The following RAB31 variants were observed in gnomAD, a reference collection of about 807,000 sequenced individuals.
RAB31 encodes the protein ras-related protein Rab-31.
A neutral mutation model predicts 25.6 loss-of-function variants in RAB31; 21 were observed. The observed-to-expected ratio is 0.82, with a 90% confidence interval of 0.58 to 1.18. The LOEUF is 1.18. Among genes scored for constraint, RAB31 ranks in the 50% most tolerant of loss-of-function variants. The pLI is 0.00. For synonymous variants in RAB31, 87 were observed against 84.0 expected, an observed-to-expected ratio of 1.04 and a Z score of -0.20; for missense variants, 196 against 250.1, an observed-to-expected ratio of 0.78 and a Z score of 1.46.
chr18:9,798,591 A>G (rs2068497971), intron 3 of RAB31, among the ~76,000 whole-genome samples: 1 of 151,222 alleles, frequency 6.6e-6, no homozygotes, highest in African/African-American at 2.4e-5. Context: ...CAATATAAAG[A>G]CAGATTTCTT....
At chr18:9,833,660 G>A (rs945568218) in intron 5 of RAB31, among the ~76,000 whole-genome samples, 1 of 152,146 alleles carries the variant, frequency 6.6e-6, no homozygotes, top group African/African-American at 2.4e-5. Context: ...CCACATCTCT[G>A]GACCCTCCAT....
At chr18:9,776,222 C>T (rs888417287) in intron 2 of RAB31, among the ~76,000 whole-genome samples, 7 of 152,200 alleles carry the variant, frequency 4.6e-5, no homozygotes, top group Non-Finnish European at 7.3e-5. Flanking sequence ...CAGTGGGCTC[C>T]TTGGCCGCGT....
intron 5 of RAB31, among the ~76,000 whole-genome samples, chr18:9,818,332 C>T (rs988043322): frequency 6.6e-6 from 1 of 152,162 alleles, no homozygotes; most frequent in Admixed American, 6.5e-5. Context: ...ACATTTCTAT[C>T]ACTCTGTGAA....
chr18:9,736,101 A>G (rs975330606), intron 1 of RAB31, among the ~76,000 whole-genome samples: 1 of 151,996 alleles, frequency 6.6e-6, no homozygotes, highest in Non-Finnish European at 1.5e-5. Flanking sequence ...CCTCCTGAGT[A>G]GCCGGGATCA....
chr18:9,750,320 T>C (rs953774597), intron 1 of RAB31, among the ~76,000 whole-genome samples: 1 of 152,238 alleles, frequency 6.6e-6, no homozygotes, highest in African/African-American at 2.4e-5. Context: ...AACAGCAGGA[T>C]ACTGCTGTCT....
At chr18:9,799,714 T>A (rs1425067816) in intron 3 of RAB31, among the ~76,000 whole-genome samples, 2 of 152,232 alleles carry the variant, frequency 1.3e-5, no homozygotes, top group Non-Finnish European at 2.9e-5. Flanking sequence ...TCCAACTGTG[T>A]GTCATGGGCA....
chr18:9,725,149 G>A (rs538325969), intron 1 of RAB31, among the ~76,000 whole-genome samples: 1 of 152,298 alleles, frequency 6.6e-6, no homozygotes, highest in African/African-American at 2.4e-5. Context: ...AGCCTTGGGA[G>A]GTGGGTGCTA....
Position 9,708,568 on chromosome 18 carries a change from C to T in RAB31, c.39+124C>T. 2.4e-6 allele frequency: 2 copies of T among 835,782 alleles called. No homozygotes were observed. The highest frequency in any genetic ancestry group is 1.7e-6 in the Non-Finnish European group (1 of 590,644). 51.8% of individuals were successfully genotyped at this position (835,782 alleles called of 1,614,324 possible). A position where few individuals can be genotyped will look rare whatever the true frequency, so the allele number is the denominator to read the frequency against. ...CTCTCCGCACCCCTCTCGTAGCCCC[C>T]GTCCCCCTCGTCCGCGCGCCCCCTG... is the stretch of plus-strand genomic sequence containing the variant. On this transcript the variant is annotated intron_variant, in intron 1 of 6. Coordinates refer to ENST00000578921, the MANE Select transcript of RAB31 (RefSeq NM_006868.4). The surrounding 1 kb of genome is among the most constrained non-coding windows in gnomAD (Gnocchi z 6.4).
At chr18:9,778,748 G>A (rs1048119760) in intron 2 of RAB31, among the ~76,000 whole-genome samples, 1 of 152,214 alleles carries the variant, frequency 6.6e-6, no homozygotes, top group African/African-American at 2.4e-5. Flanking sequence ...TGGGATTATA[G>A]GCGTGAGCCA....
chr18:9,748,674 C>T (rs1056249184), intron 1 of RAB31, among the ~76,000 whole-genome samples: 35 of 151,700 alleles, frequency 2.3e-4, no homozygotes, highest in Admixed American at 6.6e-5. Context: ...GGGCGGATCA[C>T]GAGCTCAGGA....
chr18:9,759,712 A>G (rs2068278029), intron 1 of RAB31, among the ~76,000 whole-genome samples: 1 of 152,102 alleles, frequency 6.6e-6, no homozygotes. Context: ...GAAAAGGGCA[A>G]GGCTATCCCG....
At chr18:9,735,042 G>C (rs1323516035) in intron 1 of RAB31, 2 of 176,076 alleles carry the variant, frequency 1.1e-5, no homozygotes, top group South Asian at 2.0e-4. Flanking sequence ...TTTTGAGATG[G>C]AGTCTCGCTC....
chr18:9,734,945 G>A, intron 1 of RAB31: 1 of 315,216 alleles, frequency 3.2e-6, no homozygotes, highest in Middle Eastern at 4.3e-4. Flanking sequence ...CTTTATAGTA[G>A]CCCAGTTGCA....
At chr18:9,855,726 G>A (rs371328199) in intron 6 of RAB31, among the ~76,000 whole-genome samples, 1 of 152,140 alleles carries the variant, frequency 6.6e-6, no homozygotes, top group Non-Finnish European at 1.5e-5. Flanking sequence ...CTGCGTGGAA[G>A]CATTTCCTTC....
intron 1 of RAB31, among the ~76,000 whole-genome samples, chr18:9,739,738 G>T (rs1291212101): frequency 1.3e-5 from 2 of 152,120 alleles, no homozygotes; most frequent in Middle Eastern, 3.2e-3. Context: ...TTGTTTGGTG[G>T]CTTGTGGGGT....
intron 1 of RAB31, among the ~76,000 whole-genome samples, chr18:9,751,953 C>T (rs1476276398): frequency 2.6e-5 from 4 of 152,194 alleles, no homozygotes; most frequent in African/African-American, 4.8e-5. Flanking sequence ...AGCTGGGCCC[C>T]AGGAAGACAG....
chr18:9,799,484 T>G (rs1360229538), intron 3 of RAB31, among the ~76,000 whole-genome samples: 7 of 152,180 alleles, frequency 4.6e-5, no homozygotes, highest in Non-Finnish European at 7.3e-5. Context: ...AAGAGAGTAT[T>G]CATTCTATTT....
chr18:9,799,820 T>C (rs1170146668), intron 3 of RAB31, among the ~76,000 whole-genome samples: 1 of 152,246 alleles, frequency 6.6e-6, no homozygotes, highest in African/African-American at 2.4e-5. Flanking sequence ...CCCAGTTGAA[T>C]CCCATTTGTT....
At chr18:9,808,792 G>A (rs2068555165) in intron 3 of RAB31, among the ~76,000 whole-genome samples, 1 of 152,228 alleles carries the variant, frequency 6.6e-6, no homozygotes, top group Admixed American at 6.5e-5. Context: ...CCGAGTTCCT[G>A]GACCTGATGC....
Sources: allele counts gnomAD v4.1 joint callset (sites outside exome capture counted in the v4.1 genomes callset), GRCh38; gene constraint gnomAD v4.1.1; non-coding constraint Gnocchi (gnomAD v3.1); transcripts MANE v1.5; gene names NCBI Gene and HGNC (gene_info 2026-07-23, HGNC 2026-07-21).